The following ADD1 variants were observed in gnomAD, a reference collection of about 807,000 sequenced individuals.
ADD1 encodes the protein adducin 1, also known as alpha-adducin.
ADD1 carries 24 observed loss-of-function variants against 80.5 expected under a neutral mutation model. The ratio of observed to expected loss-of-function variants is 0.30; its 90% CI spans 0.22 to 0.42. The LOEUF is 0.42. Ranked by LOEUF, ADD1 falls within the 10% of genes least tolerant of loss-of-function variation. The probability of loss-of-function intolerance (pLI) is 1.00; values close to 1 mark genes in which losing one functional copy is unlikely to be tolerated. For missense variants in ADD1, 948 were observed against 1,019.0 expected (o/e 0.93, Z 0.95); for synonymous variants, 373 against 393.8 (o/e 0.95, Z 0.63).
intron 1 of ADD1, among the ~76,000 whole-genome samples, chr4:2,864,464 T>C (rs943625552): frequency 2.6e-5 from 4 of 152,208 alleles, no homozygotes; most frequent in East Asian, 1.9e-4. Flanking sequence ...TTGTAAAATA[T>C]AAAACTTTAA....
intron 14 of ADD1, among the ~76,000 whole-genome samples, chr4:2,919,994 C>G (rs1198640002): frequency 1.3e-5 from 2 of 152,208 alleles, no homozygotes; most frequent in Non-Finnish European, 2.9e-5. Flanking sequence ...AAATTTCCCT[C>G]TAAACACTGC....
intron 14 of ADD1, among the ~76,000 whole-genome samples, chr4:2,923,341 G>T (rs1349049124): frequency 6.6e-6 from 1 of 152,234 alleles, no homozygotes; most frequent in Non-Finnish European, 1.5e-5. Context: ...GAGCTGGAAT[G>T]CACTGTTTCT....
chr4:2,870,857 A>G (rs1383245264), intron 1 of ADD1, among the ~76,000 whole-genome samples: 4 of 152,228 alleles, frequency 2.6e-5, no homozygotes, highest in African/African-American at 7.2e-5. Context: ...TAAAATTTTC[A>G]GTTCCATGTG....
intron 14 of ADD1, among the ~76,000 whole-genome samples, chr4:2,920,899 G>A (rs1050995433): frequency 6.6e-6 from 1 of 151,966 alleles, no homozygotes; most frequent in East Asian, 1.9e-4. Flanking sequence ...TGGTTATTTT[G>A]CCTGTTAACT....
At chr4:2,908,451 C>G (rs1737432395) in intron 11 of ADD1, 64 bp from the exon 12 acceptor site, 7 of 1,446,862 alleles carry the variant, frequency 4.8e-6, no homozygotes, top group Non-Finnish European at 5.8e-6. Context: ...GCACAAGCAG[C>G]AGGGCTCCCA....
intron 1 of ADD1, among the ~76,000 whole-genome samples, chr4:2,858,580 T>C (rs1728406977): frequency 6.6e-6 from 1 of 152,236 alleles, no homozygotes; most frequent in Non-Finnish European, 1.5e-5. Context: ...GCACTAGTGA[T>C]ACCAGACAGA....
At chr4:2,920,017 C>T (rs371569649) in intron 14 of ADD1, among the ~76,000 whole-genome samples, 1 of 152,084 alleles carries the variant, frequency 6.6e-6, no homozygotes, top group Admixed American at 6.5e-5. Context: ...TAGCTGTGTC[C>T]CAGAGATTCT....
chr4:2,899,847 C>T, intron 9 of ADD1: 1 of 326,780 alleles, frequency 3.1e-6, no homozygotes, highest in South Asian at 2.5e-5. Flanking sequence ...GACTGTGTTC[C>T]ATGGGTATCC....
chr4:2,913,432 A>C (rs370299934), intron 13 of ADD1, among the ~76,000 whole-genome samples: 1 of 151,980 alleles, frequency 6.6e-6, no homozygotes, highest in South Asian at 2.1e-4. Context: ...GGCAGACAGG[A>C]CTCAGCTTCC....
chr4:2,889,226 C>T (rs1357962281), intron 4 of ADD1, among the ~76,000 whole-genome samples: 2 of 152,114 alleles, frequency 1.3e-5, no homozygotes, highest in Admixed American at 6.6e-5. Flanking sequence ...CATTGCAGCT[C>T]AGCGGGGTGG....
intron 3 of ADD1, among the ~76,000 whole-genome samples, chr4:2,883,413 T>C (rs1732708332): frequency 6.6e-6 from 1 of 152,192 alleles, no homozygotes; most frequent in African/African-American, 2.4e-5. Flanking sequence ...TTGAGAACTT[T>C]CCTTCTGAAT....
chr4:2,858,365 A>G (rs1244701749), intron 1 of ADD1, among the ~76,000 whole-genome samples: 1 of 152,196 alleles, frequency 6.6e-6, no homozygotes, highest in Admixed American at 6.5e-5. Context: ...GGAAGTAGAT[A>G]ATGATTCTCA....
chr4:2,893,980 A>T (rs1197385788), intron 4 of ADD1, 33 bp from the exon 5 acceptor site: 2 of 1,579,798 alleles, frequency 1.3e-6, no homozygotes, highest in African/African-American at 2.7e-5. Context: ...TTTCACTTGG[A>T]TCTTTGAGCT....
chr4:2,927,536 G>A (rs764726710), intron 15 of ADD1, among the ~76,000 whole-genome samples: 5 of 152,214 alleles, frequency 3.3e-5, no homozygotes, highest in South Asian at 2.1e-4. Context: ...CAAGGAAGGC[G>A]CCCCCAGGCT....
At chr4:2,898,943 G>A (rs1033845288) in intron 8 of ADD1, 12 of 385,332 alleles carry the variant, frequency 3.1e-5, no homozygotes, top group South Asian at 3.0e-4. Flanking sequence ...CGCTCCGTCA[G>A]CCGTTAGTTC....
chr4:2,924,890 C>T (rs1388660943), intron 14 of ADD1, among the ~76,000 whole-genome samples: 1 of 152,222 alleles, frequency 6.6e-6, no homozygotes, highest in Non-Finnish European at 1.5e-5. Context: ...AGACATGTGT[C>T]TGCCCTTTGG....
chr4:2,888,508 C>T (rs1313231246), intron 4 of ADD1, among the ~76,000 whole-genome samples: 11 of 151,254 alleles, frequency 7.3e-5, no homozygotes, highest in South Asian at 2.1e-4. Context: ...CTCTACCTTC[C>T]GAGTTCAGGC....
At chr4:2,882,188 T>C (rs1732465468) in intron 3 of ADD1, 128 bp downstream of exon 3, 1 of 887,652 alleles carries the variant, frequency 1.1e-6, no homozygotes, top group Non-Finnish European at 1.6e-6. Flanking sequence ...TGAAAATTAA[T>C]GTGTTTTCGT....
intron 3 of ADD1, among the ~76,000 whole-genome samples, chr4:2,883,317 G>GTT (rs61653919): frequency 5.6e-5 from 8 of 142,844 alleles, no homozygotes; most frequent in African/African-American, 1.5e-4. Context: ...TGAACAATTA[G>GTT]TTTTTTTTTT....
Sources: gnomAD v4.1 joint callset for allele counts (sites outside exome capture counted in the v4.1 genomes callset) on GRCh38, gnomAD v4.1.1 for gene constraint, MANE v1.5 for transcripts, NCBI Gene and HGNC (gene_info 2026-07-23, HGNC 2026-07-21) for gene names.